KHDRBS2: variants seen among roughly 807,000 people sequenced by gnomAD.
KHDRBS2 encodes KH domain-containing, RNA-binding, signal transduction-associated protein 2.
KHDRBS2 carries 26 observed loss-of-function variants against 44.3 expected under a neutral mutation model. The ratio of observed to expected loss-of-function variants is 0.59; its 90% CI spans 0.43 to 0.81. The LOEUF is 0.81. Ranked by LOEUF, KHDRBS2 falls within the 40% of genes least tolerant of loss-of-function variation. KHDRBS2 has a pLI of 0.00. For missense variants in KHDRBS2, 476 were observed against 433.1 expected, an observed-to-expected ratio of 1.10 and a Z score of -0.88; for synonymous variants, 194 against 151.1, an observed-to-expected ratio of 1.28 and a Z score of -2.08.
intron 2 of KHDRBS2, among the ~76,000 whole-genome samples, chr6:62,129,470 G>T (rs1809752564): frequency 6.6e-6 from 1 of 152,080 alleles, no homozygotes; most frequent in Non-Finnish European, 1.5e-5. Context: ...GGTAGAGTGG[G>T]TTAAATTAAA....
intron 1 of KHDRBS2, among the ~76,000 whole-genome samples, chr6:62,246,302 T>C (rs191250355): frequency 2.4e-4 from 36 of 151,898 alleles, no homozygotes; most frequent in Non-Finnish European, 4.3e-4. Flanking sequence ...GCAAATTATA[T>C]AGGCTAGCTG....
intron 6 of KHDRBS2, among the ~76,000 whole-genome samples, chr6:61,846,601 T>TAGTAAATACTAATTACTAGTAAA (rs1188812675): frequency 6.6e-6 from 1 of 152,176 alleles, no homozygotes. Flanking sequence ...AATAAATGAT[T>TAGTAAATACTAATTACTAGTAAA]TGCAAATACA....
At chr6:62,218,750 G>C (rs1275297671) in intron 1 of KHDRBS2, among the ~76,000 whole-genome samples, 2 of 151,852 alleles carry the variant, frequency 1.3e-5, no homozygotes, top group African/African-American at 4.8e-5. Context: ...GTTCACAGTA[G>C]CAAAGACAGA....
intron 1 of KHDRBS2, among the ~76,000 whole-genome samples, chr6:62,240,253 TGCTTCTAATATATCCC>T (rs1235054953): frequency 6.6e-6 from 1 of 152,178 alleles, no homozygotes; most frequent in Non-Finnish European, 1.5e-5. Context: ...GGCTCCTTTG[TGCTTCTAATATATCCC>T]CATCACTGTG....
At chr6:62,228,713 G>A (rs946515203) in intron 1 of KHDRBS2, among the ~76,000 whole-genome samples, 4 of 152,052 alleles carry the variant, frequency 2.6e-5, no homozygotes, top group Non-Finnish European at 5.9e-5. Flanking sequence ...CTGTGTCCCA[G>A]CTAATCTGGT....
At chr6:61,675,115 C>A (rs935206838), downstream of KHDRBS2, among the ~76,000 whole-genome samples, 6 of 151,690 alleles carry the variant, frequency 4.0e-5, no homozygotes, top group African/African-American at 1.4e-4. Context: ...CCCTACTGAT[C>A]TATCAAACAC....
At chr6:61,815,094 A>C (rs1295342643) in intron 6 of KHDRBS2, among the ~76,000 whole-genome samples, 3 of 145,698 alleles carry the variant, frequency 2.1e-5, no homozygotes, top group African/African-American at 7.6e-5. Context: ...ACAACCACTC[A>C]TTTTTTTTTT....
intron 3 of KHDRBS2, among the ~76,000 whole-genome samples, chr6:62,030,599 A>T (rs1485151789): frequency 6.6e-6 from 1 of 152,114 alleles, no homozygotes; most frequent in Non-Finnish European, 1.5e-5. Flanking sequence ...AATAATTAAG[A>T]AGAGTCTTTC....
At chr6:62,086,638 A>G (rs1372021878) in intron 2 of KHDRBS2, among the ~76,000 whole-genome samples, 6 of 152,186 alleles carry the variant, frequency 3.9e-5, no homozygotes, top group Non-Finnish European at 8.8e-5. Flanking sequence ...GTCTTTTATT[A>G]GCATCTGTTC....
chr6:61,683,425 CA>C (rs1383858548), intron 8 of KHDRBS2, among the ~76,000 whole-genome samples: 1 of 151,776 alleles, frequency 6.6e-6, no homozygotes, highest in Non-Finnish European at 1.5e-5. Flanking sequence ...TGTTGTTTCC[CA>C]AGTGCCTGGG....
chr6:61,550,624 G>A, the KHDRBS2 span, among the ~76,000 whole-genome samples: 1 of 152,010 alleles, frequency 6.6e-6, no homozygotes. Flanking sequence ...TTCAGAAATT[G>A]CCACACTGGT....
chr6:62,068,779 C>T (rs558038198), intron 2 of KHDRBS2, among the ~76,000 whole-genome samples: 1 of 151,650 alleles, frequency 6.6e-6, no homozygotes, highest in South Asian at 2.1e-4. Context: ...ATGATCTTGG[C>T]ATTATTATAA....
chr6:61,693,675 A>T (rs1767605520), intron 8 of KHDRBS2, among the ~76,000 whole-genome samples: 1 of 152,128 alleles, frequency 6.6e-6, no homozygotes, highest in South Asian at 2.1e-4. Flanking sequence ...GCTACTTTCT[A>T]TGTGCAGAAA....
At chr6:61,763,987 C>T (rs543313140) in intron 6 of KHDRBS2, among the ~76,000 whole-genome samples, 1 of 152,186 alleles carries the variant, frequency 6.6e-6, no homozygotes, top group African/African-American at 2.4e-5. Flanking sequence ...ACCCCCTACC[C>T]TCCCCTTGAC....
intron 3 of KHDRBS2, among the ~76,000 whole-genome samples, chr6:62,046,682 G>T (rs938026023): frequency 6.6e-6 from 1 of 151,846 alleles, no homozygotes; most frequent in Non-Finnish European, 1.5e-5. Flanking sequence ...CAGGACAAAA[G>T]CTTATCTCAT....
At chr6:61,611,136 A>G in the KHDRBS2 span, among the ~76,000 whole-genome samples, 2 of 152,194 alleles carry the variant, frequency 1.3e-5, no homozygotes, top group African/African-American at 4.8e-5. Context: ...ATACAACTCA[A>G]AACAATCAAT....
intron 6 of KHDRBS2, among the ~76,000 whole-genome samples, chr6:61,855,624 CTTTGT>C (rs3076295): frequency 0.031 from 4,622 of 149,736 alleles, 182 homozygotes; most frequent in African/African-American, 0.097. Context: ...ATGCCTGGTG[CTTTGT>C]TTTGTTTTGT....
intron 6 of KHDRBS2, among the ~76,000 whole-genome samples, chr6:61,804,998 T>G (rs1786909978): frequency 6.6e-6 from 1 of 152,188 alleles, no homozygotes; most frequent in African/African-American, 2.4e-5. Flanking sequence ...AGAAAATGGA[T>G]TTTTCTTTTC....
At chr6:62,094,567 C>T (rs1800165883) in intron 2 of KHDRBS2, among the ~76,000 whole-genome samples, 1 of 151,578 alleles carries the variant, frequency 6.6e-6, no homozygotes, top group Admixed American at 6.6e-5. Flanking sequence ...GTATTTGCTG[C>T]CTATGTCTTT....
Sources: allele counts gnomAD v4.1 joint callset (sites outside exome capture counted in the v4.1 genomes callset), GRCh38; gene constraint gnomAD v4.1.1; transcripts MANE v1.5; gene names NCBI Gene and HGNC (gene_info 2026-07-23, HGNC 2026-07-21).